CSMD1: variants seen among roughly 807,000 people sequenced by gnomAD.
The protein encoded by CSMD1 is CUB and sushi domain-containing protein 1.
In CSMD1, 213 loss-of-function variants were observed where a neutral mutation model predicts 417.5. That is an observed-to-expected ratio of 0.51 (90% CI 0.46 to 0.57). The LOEUF is 0.57. Ranked by LOEUF, CSMD1 falls within the 20% of genes least tolerant of loss-of-function variation. The pLI, the probability that CSMD1 is intolerant of heterozygous loss-of-function variation, is 0.00. For synonymous variants in CSMD1, 2,862 were observed against 1,736.8 expected, an observed-to-expected ratio of 1.65 and a Z score of -16.11; for missense variants, 6,923 against 4,529.7, an observed-to-expected ratio of 1.53 and a Z score of -15.17.
At chr8:4,625,803 A>G (rs1802070643) in intron 2 of CSMD1, among the ~76,000 whole-genome samples, 1 of 152,024 alleles carries the variant, frequency 6.6e-6, no homozygotes, top group Non-Finnish European at 1.5e-5. Flanking sequence ...AGCTCATTCC[A>G]ATCTCTGCCT....
chr8:3,611,441 T>C (rs1801889338), intron 8 of CSMD1, among the ~76,000 whole-genome samples: 1 of 152,126 alleles, frequency 6.6e-6, no homozygotes, highest in Non-Finnish European at 1.5e-5. Context: ...CCTCTTAATT[T>C]AAAGAACGAT....
At chr8:3,860,771 T>C (rs145373582) in intron 5 of CSMD1, among the ~76,000 whole-genome samples, 96 of 151,978 alleles carry the variant, frequency 6.3e-4, no homozygotes, top group African/African-American at 2.2e-3. Context: ...AGGGAGAGAG[T>C]AGAGCTGTTT....
At chr8:4,548,098 T>G (rs978268857) in intron 2 of CSMD1, among the ~76,000 whole-genome samples, 2 of 152,176 alleles carry the variant, frequency 1.3e-5, no homozygotes, top group Non-Finnish European at 2.9e-5. Context: ...TTACAGCTTG[T>G]TCTCATAGTT....
At chr8:3,039,356 T>TCTC (rs1810921499) in intron 50 of CSMD1, among the ~76,000 whole-genome samples, 21 of 143,672 alleles carry the variant, frequency 1.5e-4, no homozygotes, top group African/African-American at 5.8e-4. Flanking sequence ...CCTTCCTTCC[T>TCTC]TCCTCCTTTA....
chr8:4,098,030 T>C (rs1801112291), intron 3 of CSMD1, among the ~76,000 whole-genome samples: 1 of 152,212 alleles, frequency 6.6e-6, no homozygotes, highest in Non-Finnish European at 1.5e-5. Context: ...GGAGTTCATA[T>C]AATTTTTGTT....
chr8:3,419,891 C>A (rs927076814), intron 12 of CSMD1, among the ~76,000 whole-genome samples: 3 of 152,078 alleles, frequency 2.0e-5, no homozygotes, highest in Admixed American at 6.5e-5. Flanking sequence ...TGGAATAGAT[C>A]CTGTTTTAGA....
rs1313285176 is a variant in CSMD1 at position 3,139,392 on chromosome 8, A to AT, written c.6241+3072dup. On this transcript the variant is annotated intron_variant, in intron 41 of 69. Transcript: ENST00000635120. The stretch of plus-strand genomic sequence containing the variant: ...AGAGAGATAGCAGAATAACCCAGAG[A>AT]TTTTCTGGCCCCTGAAGCCAAGGGA... 4.6e-5 allele frequency among the ~76,000 whole-genome samples: 7 copies of AT among 152,214 alleles called. No homozygotes were observed. The East Asian group carries it at 1.4e-3, about 29-fold the overall frequency.
chr8:4,300,388 C>T (rs929753672), intron 3 of CSMD1, among the ~76,000 whole-genome samples: 1 of 152,226 alleles, frequency 6.6e-6, no homozygotes, highest in Non-Finnish European at 1.5e-5. Context: ...ATATATGCTC[C>T]ATCAACCTCA....
In CSMD1 at chr8:3,981,523, AAAG is replaced by A. The variant is rs1258943696; in HGVS notation, c.818+16377_818+16379del. ...AGTAAAAAAAAAAAAAAAAAAAAAAAAAGAACATACAATTGTGTTTACCTAAGT... is the reference window on the plus strand; with the variant it reads ...AGTAAAAAAAAAAAAAAAAAAAAAAAAACATACAATTGTGTTTACCTAAGT... On this transcript the variant is annotated intron_variant, in intron 5 of 69. Coordinates refer to ENST00000635120, the MANE Select transcript of CSMD1 (RefSeq NM_033225.6). Among the ~76,000 whole-genome samples, 180 of 143,338 alleles carry A rather than the reference AAAG, an allele frequency of 1.3e-3. 2 individuals carry two copies. Among genetic ancestry groups the A allele is most frequent in the African/African-American group, 5.0e-3 (170 of 33,974 alleles). 94.0% of individuals were successfully genotyped at this position (143,338 alleles called of 152,430 possible). A position where few individuals can be genotyped will look rare whatever the true frequency, so the allele number is the denominator to read the frequency against.
At chr8:3,795,107 C>CTATAGATATCTATCATGTAT (rs1382204838) in intron 5 of CSMD1, among the ~76,000 whole-genome samples, 11 of 89,566 alleles carry the variant, frequency 1.2e-4, no homozygotes, top group African/African-American at 3.1e-4. Context: ...CTATCATGTA[C>CTATAGATATCTATCATGTAT]AGCTATAGAT....
At chr8:4,964,950 T>C (rs1264080783) in intron 1 of CSMD1, among the ~76,000 whole-genome samples, 2 of 152,204 alleles carry the variant, frequency 1.3e-5, no homozygotes, top group Non-Finnish European at 2.9e-5. Context: ...TTTCTTTGCA[T>C]ATGTACTTGC....
chr8:3,013,797 G>C (rs1468854652), intron 52 of CSMD1, among the ~76,000 whole-genome samples: 1 of 151,278 alleles, frequency 6.6e-6, no homozygotes, highest in African/African-American at 2.4e-5. Context: ...ATAGGTACCA[G>C]ATCCATCACC....
intron 5 of CSMD1, among the ~76,000 whole-genome samples, chr8:3,929,749 C>A (rs998987957): frequency 2.7e-5 from 4 of 149,786 alleles, no homozygotes; most frequent in Admixed American, 6.6e-5. Flanking sequence ...GCAACCTCAG[C>A]CTCCTGGATA....
intron 5 of CSMD1, among the ~76,000 whole-genome samples, chr8:3,792,643 T>C (rs1195079048): frequency 9.9e-5 from 15 of 152,158 alleles, no homozygotes; most frequent in Admixed American, 9.8e-4. Context: ...AAGTTAATCA[T>C]TTGCCATGTT....
chr8:3,712,651 G>C (rs527578853), intron 6 of CSMD1, among the ~76,000 whole-genome samples: 1 of 152,300 alleles, frequency 6.6e-6, no homozygotes, highest in South Asian at 2.1e-4. Context: ...ACAATCTTCG[G>C]AGGTGAGCTT....
intron 1 of CSMD1, among the ~76,000 whole-genome samples, chr8:4,964,396 G>A (rs1307108607): frequency 6.7e-6 from 1 of 148,388 alleles, no homozygotes; most frequent in Non-Finnish European, 1.5e-5. Context: ...GCATGCACCT[G>A]TAGTCCCAGC....
chr8:4,444,346 CAAAAAAAAAAAAA>C (rs112028005), intron 2 of CSMD1, among the ~76,000 whole-genome samples: 3,744 of 46,360 alleles, frequency 0.081, 170 homozygotes, highest in Middle Eastern at 0.33. Flanking sequence ...GACTCCATCT[CAAAAAAAAAAAAA>C]AAAAAAAAAA....
intron 5 of CSMD1, among the ~76,000 whole-genome samples, chr8:3,996,489 G>A (rs1003936001): frequency 1.3e-5 from 2 of 151,610 alleles, no homozygotes; most frequent in Non-Finnish European, 2.9e-5. Flanking sequence ...CGACTTGTCT[G>A]AAGTCATAAG....
At chr8:4,095,959 G>C (rs1312298060) in intron 3 of CSMD1, among the ~76,000 whole-genome samples, 1 of 152,138 alleles carries the variant, frequency 6.6e-6, no homozygotes, top group African/African-American at 2.4e-5. Context: ...ATGCCTAAAA[G>C]AAGGACAAAA....
Sources: allele counts gnomAD v4.1 joint callset (sites outside exome capture counted in the v4.1 genomes callset), GRCh38; gene constraint gnomAD v4.1.1; transcripts MANE v1.5; gene names NCBI Gene and HGNC (gene_info 2026-07-23, HGNC 2026-07-21).